The following ALK variants were observed in gnomAD, a reference collection of about 807,000 sequenced individuals.
ALK encodes the protein ALK tyrosine kinase receptor.
In ALK, 74 loss-of-function variants were observed where a neutral mutation model predicts 163.1. The observed-to-expected ratio is 0.45, with a 90% CI of 0.38 to 0.55. The LOEUF (loss-of-function observed/expected upper bound fraction) is 0.55. Ranked by LOEUF, ALK falls within the 20% of genes least tolerant of loss-of-function variation. ALK has a pLI of 0.00. For missense variants in ALK, 2,063 were observed against 2,105.3 expected (o/e 0.98, Z 0.39); for synonymous variants, 960 against 843.2 (o/e 1.14, Z -2.40).
intron 12 of ALK, among the ~76,000 whole-genome samples, chr2:29,242,663 G>A (rs1396064951): frequency 6.6e-6 from 1 of 152,122 alleles, no homozygotes; most frequent in Non-Finnish European, 1.5e-5. Flanking sequence ...GTGACCTGAG[G>A]CAACATGGTC....
At chr2:29,199,242 C>A (rs1323446700) in intron 26 of ALK, among the ~76,000 whole-genome samples, 1 of 152,182 alleles carries the variant, frequency 6.6e-6, no homozygotes, top group Non-Finnish European at 1.5e-5. Context: ...ATGTGAAACA[C>A]CGCACCTGGC....
intron 12 of ALK, 39 bp downstream of exon 12, chr2:29,251,066 G>T (rs936313793): frequency 4.4e-6 from 7 of 1,605,358 alleles, no homozygotes; most frequent in Non-Finnish European, 5.1e-6. Context: ...TCTTCGGAAG[G>T]GGTGGTCTGC....
intron 4 of ALK, among the ~76,000 whole-genome samples, chr2:29,509,705 C>T (rs1226194783): frequency 6.6e-6 from 1 of 152,028 alleles, no homozygotes; most frequent in East Asian, 1.9e-4. Context: ...TCTTTTATTC[C>T]AATTTATTTC....
intron 3 of ALK, among the ~76,000 whole-genome samples, chr2:29,548,591 C>T (rs1279646223): frequency 6.6e-6 from 1 of 152,026 alleles, no homozygotes; most frequent in Non-Finnish European, 1.5e-5. Flanking sequence ...AGATCCTTAT[C>T]TGGCTAAGTC....
intron 3 of ALK, among the ~76,000 whole-genome samples, chr2:29,691,794 A>T (rs1678405311): frequency 6.6e-6 from 1 of 152,160 alleles, no homozygotes; most frequent in Non-Finnish European, 1.5e-5. Context: ...TGAAATGTAC[A>T]ATTTATTGGC....
At chr2:29,694,749 A>G (rs1678501660) in intron 3 of ALK, 101 bp downstream of exon 3, 3 of 1,479,392 alleles carry the variant, frequency 2.0e-6, no homozygotes, top group Non-Finnish European at 2.8e-6. Flanking sequence ...TTCAAAGTAA[A>G]CAGAGCAGAA....
chr2:29,356,500 T>C (rs1558691004), intron 5 of ALK, among the ~76,000 whole-genome samples: 1 of 152,016 alleles, frequency 6.6e-6, no homozygotes, highest in Non-Finnish European at 1.5e-5. Context: ...TGTTAGAAAA[T>C]TAAGTAATAT....
At chr2:29,480,152 T>G (rs1342384205) in intron 4 of ALK, among the ~76,000 whole-genome samples, 1 of 152,172 alleles carries the variant, frequency 6.6e-6, no homozygotes, top group African/African-American at 2.4e-5. Flanking sequence ...AACAGGAATA[T>G]GCATTGACTA....
chr2:29,232,294 A>G lies in ALK; in HGVS notation c.2632+10T>C. ...AGGTTCTGGGAGAGGGCACGCTTGC[A>G]GCGCTTTACCTGCGGCTCCGGAATT... On this transcript the variant is annotated intron_variant, in intron 15 of 28. Transcript: ENST00000389048. 1 of 1,614,170 alleles carries G rather than the reference A, an allele frequency of 6.2e-7. No individual in the cohort carries two copies. The highest frequency in any genetic ancestry group is 1.1e-5 in the South Asian group (1 of 91,080).
chr2:29,761,150 C>T (rs1558476548), intron 1 of ALK, among the ~76,000 whole-genome samples: 1 of 152,190 alleles, frequency 6.6e-6, no homozygotes. Context: ...GCCCCCTACT[C>T]ACTAACAGAG....
intron 3 of ALK, among the ~76,000 whole-genome samples, chr2:29,690,759 T>C (rs1440715888): frequency 6.6e-6 from 1 of 152,246 alleles, no homozygotes; most frequent in Non-Finnish European, 1.5e-5. Context: ...TATACACTTA[T>C]AGTTCATTAT....
rs114883007 is a variant in ALK, at chr2:29,753,226, A to G, written c.668-35529T>C. 8.9e-3 allele frequency among the ~76,000 whole-genome samples: 1,350 copies of G among 152,338 alleles called. 7 individuals carry two copies. The highest frequency in any genetic ancestry group is 0.014 in the Non-Finnish European group (976 of 68,032). On this transcript the variant is annotated intron_variant, in intron 1 of 28. Coordinates refer to ENST00000389048, the MANE Select transcript of ALK (RefSeq NM_004304.5). Reference sequence around the variant, plus strand: ...TGGACAATTATTTGCCTGGATCGAGAAAGTAAAGTCATTTTAGGAGCTGCC... The same window carrying G: ...TGGACAATTATTTGCCTGGATCGAGGAAGTAAAGTCATTTTAGGAGCTGCC...
intron 1 of ALK, among the ~76,000 whole-genome samples, chr2:29,884,537 G>A (rs7560071): frequency 2.2e-4 from 34 of 151,778 alleles, no homozygotes; most frequent in Admixed American, 5.9e-4. Context: ...GGGTAAATAC[G>A]TTTTTATGTC....
At chr2:29,412,802 T>A (rs1401670684) in intron 4 of ALK, among the ~76,000 whole-genome samples, 1 of 152,154 alleles carries the variant, frequency 6.6e-6, no homozygotes, top group Non-Finnish European at 1.5e-5. Context: ...GCAAACAAGC[T>A]TTTTGCTTTG....
At chr2:29,694,801 C>G in intron 3 of ALK, 49 bp downstream of exon 3, 2 of 1,608,806 alleles carry the variant, frequency 1.2e-6, no homozygotes, top group Non-Finnish European at 1.7e-6. Flanking sequence ...ATAGGTATTC[C>G]AGCCTGGCCC....
chr2:29,404,157 A>C (rs1045211757), intron 4 of ALK, among the ~76,000 whole-genome samples: 1 of 152,100 alleles, frequency 6.6e-6, no homozygotes. Flanking sequence ...TACAAAAATT[A>C]GCCAGGCATG....
intron 1 of ALK, among the ~76,000 whole-genome samples, chr2:29,761,842 C>T (rs2631944): frequency 0.89 from 135,248 of 152,260 alleles, 60,255 homozygotes; most frequent in Non-Finnish European, 0.91. Flanking sequence ...AGTCCAGAAG[C>T]TTAGAAGGAC....
chr2:29,383,964 C>A (rs868511197), intron 4 of ALK, 105 bp from the exon 5 acceptor site: 3 of 1,423,566 alleles, frequency 2.1e-6, no homozygotes, highest in Non-Finnish European at 3.0e-6. Context: ...TCAGGACTCA[C>A]ATTCTTCATG....
intron 25 of ALK, among the ~76,000 whole-genome samples, chr2:29,209,466 C>T (rs531068690): frequency 2.0e-5 from 3 of 149,254 alleles, no homozygotes; most frequent in South Asian, 2.1e-4. Flanking sequence ...CGCTTGAACC[C>T]GGGAGGCAGA....
Sources: gnomAD v4.1 joint callset for allele counts (sites outside exome capture counted in the v4.1 genomes callset) on GRCh38, gnomAD v4.1.1 for gene constraint, MANE v1.5 for transcripts, NCBI Gene and HGNC (gene_info 2026-07-23, HGNC 2026-07-21) for gene names.